The following MYO1D variants were observed in gnomAD, a reference collection of about 807,000 sequenced individuals.
MYO1D encodes unconventional myosin-Id.
Under a neutral mutation model 122.0 loss-of-function variants are expected in MYO1D, and 83 were observed. The ratio of observed to expected loss-of-function variants is 0.68; its 90% confidence interval spans 0.57 to 0.82. The LOEUF is 0.82. MYO1D is among the 40% of genes least tolerant of loss of function. MYO1D has a pLI of 0.00. For synonymous variants in MYO1D, 464 were observed against 446.9 expected (o/e 1.04, Z -0.48); for missense variants, 1,157 against 1,269.5 (o/e 0.91, Z 1.35).
At chr17:32,651,038 T>C (rs1410097501) in intron 19 of MYO1D, among the ~76,000 whole-genome samples, 1 of 152,220 alleles carries the variant, frequency 6.6e-6, no homozygotes, top group African/African-American at 2.4e-5. Flanking sequence ...TCTGGTTAGG[T>C]TACTTGGGAA....
chr17:32,531,913 C>T (rs958729088), intron 21 of MYO1D, among the ~76,000 whole-genome samples: 2 of 152,170 alleles, frequency 1.3e-5, no homozygotes, highest in East Asian at 3.8e-4. Context: ...GCTTACAGAG[C>T]AGGAAAATTT....
At chr17:32,695,709 A>T (rs1158681048) in intron 16 of MYO1D, among the ~76,000 whole-genome samples, 1 of 152,234 alleles carries the variant, frequency 6.6e-6, no homozygotes, top group Non-Finnish European at 1.5e-5. Flanking sequence ...AAAATTAAAA[A>T]ATCTGCCAAT....
At chr17:32,857,735 AT>A (rs2091039166) in intron 1 of MYO1D, among the ~76,000 whole-genome samples, 1 of 152,140 alleles carries the variant, frequency 6.6e-6, no homozygotes, top group Non-Finnish European at 1.5e-5. Flanking sequence ...TCTTATTCAC[AT>A]TCCAGCATTC....
chr17:32,581,804 C>T (rs1032618661), intron 21 of MYO1D, among the ~76,000 whole-genome samples: 2 of 152,012 alleles, frequency 1.3e-5, no homozygotes, highest in Non-Finnish European at 2.9e-5. Flanking sequence ...CTTGCTCTGT[C>T]ACCCAGGCTG....
At chr17:32,648,923 T>C (rs990793459) in intron 19 of MYO1D, among the ~76,000 whole-genome samples, 1 of 152,224 alleles carries the variant, frequency 6.6e-6, no homozygotes, top group African/African-American at 2.4e-5. Flanking sequence ...CTCTCCTTTG[T>C]TGGCTTATTA....
chr17:32,633,316 A>G (rs1031818655), intron 20 of MYO1D, among the ~76,000 whole-genome samples: 1 of 152,146 alleles, frequency 6.6e-6, no homozygotes, highest in South Asian at 2.1e-4. Context: ...CTGATCTTGG[A>G]AGAAATGAGA....
intron 6 of MYO1D, among the ~76,000 whole-genome samples, chr17:32,768,317 T>C (rs2090080717): frequency 6.6e-6 from 1 of 152,244 alleles, no homozygotes; most frequent in African/African-American, 2.4e-5. Context: ...TTCACTCACT[T>C]GATACGCATT....
chr17:32,603,034 T>C (rs1457291904), intron 21 of MYO1D, among the ~76,000 whole-genome samples: 1 of 151,718 alleles, frequency 6.6e-6, no homozygotes, highest in Non-Finnish European at 1.5e-5. Flanking sequence ...TCATTTCCAC[T>C]TCACTCTTAA....
At chr17:32,650,404 T>C (rs2150947925) in intron 19 of MYO1D, among the ~76,000 whole-genome samples, 1 of 152,348 alleles carries the variant, frequency 6.6e-6, no homozygotes, top group African/African-American at 2.4e-5. Flanking sequence ...GCTTAGTGTT[T>C]GTTGAGCTTC....
intron 1 of MYO1D, among the ~76,000 whole-genome samples, chr17:32,873,166 C>T (rs2091197914): frequency 6.6e-6 from 1 of 152,036 alleles, no homozygotes; most frequent in African/African-American, 2.4e-5. Flanking sequence ...AAAAAAGTAA[C>T]AAGCATTTTT....
chr17:32,643,451 G>C (rs2088234896), intron 19 of MYO1D, among the ~76,000 whole-genome samples: 1 of 152,164 alleles, frequency 6.6e-6, no homozygotes, highest in Non-Finnish European at 1.5e-5. Flanking sequence ...ATAAGTTAGG[G>C]AGGATTCCCT....
chr17:32,824,121 CAG>C (rs954654921), intron 1 of MYO1D, among the ~76,000 whole-genome samples: 1 of 136,642 alleles, frequency 7.3e-6, no homozygotes, highest in African/African-American at 2.8e-5. Context: ...TAAAGTAAAA[CAG>C]AACTGAGACC....
rs143664411 is a variant in MYO1D, at chr17:32,517,546, G to A, written c.2865-22631C>T. ...TAGCAGTGGTCAGGCTCCAACCCCA[G>A]AGACTCTGCTTCAATTGGTCTGCCT... is the stretch of plus-strand genomic sequence containing the variant. On this transcript the variant is annotated intron_variant, in intron 21 of 21. Transcript: ENST00000318217. 1.6e-4 allele frequency among the ~76,000 whole-genome samples: 25 copies of A among 152,280 alleles called. No individual in the cohort carries two copies. In the South Asian group the frequency reaches 5.2e-3, roughly 32 times the overall value.
chr17:32,682,381 G>A (rs543844525), intron 16 of MYO1D, among the ~76,000 whole-genome samples: 26 of 147,128 alleles, frequency 1.8e-4, no homozygotes, highest in East Asian at 1.5e-3. Flanking sequence ...ATTTTGCAGC[G>A]GCTGGTACCG....
intron 21 of MYO1D, among the ~76,000 whole-genome samples, chr17:32,590,180 T>G (rs2087426328): frequency 6.6e-6 from 1 of 152,252 alleles, no homozygotes; most frequent in African/African-American, 2.4e-5. Context: ...CTACTTATTT[T>G]TCCAGTCTCA....
At chr17:32,777,890 C>T (rs1183193252) in intron 3 of MYO1D, among the ~76,000 whole-genome samples, 1 of 151,938 alleles carries the variant, frequency 6.6e-6, no homozygotes, top group African/African-American at 2.4e-5. Context: ...GCTGAGATCG[C>T]GCCACTGCAC....
At chr17:32,600,110 T>C (rs1249769876) in intron 21 of MYO1D, among the ~76,000 whole-genome samples, 1 of 152,244 alleles carries the variant, frequency 6.6e-6, no homozygotes, top group Admixed American at 6.5e-5. Context: ...GTACTGTCAA[T>C]GCATAGTAAT....
At chr17:32,728,229 A>G (rs1357705957) in intron 14 of MYO1D, among the ~76,000 whole-genome samples, 1 of 150,270 alleles carries the variant, frequency 6.7e-6, no homozygotes. Flanking sequence ...TTTTTTTGAG[A>G]CAGTCTCACA....
In MYO1D at chr17:32,748,935, C is replaced by A; in HGVS notation, c.1538+1G>T. 6.2e-7 allele frequency: 1 copy of A among 1,612,202 alleles called. No individual in the cohort carries two copies. Among genetic ancestry groups the A allele is most frequent in the Non-Finnish European group, 8.5e-7 (1 of 1,178,270 alleles). ...GGTAGGTACCAAGGTAAGATACTCA[C>A]ACTACATCGCCTGCATAATGTCGAA... is the stretch of plus-strand genomic sequence containing the variant. On this transcript the variant is annotated splice_donor_variant, in intron 12 of 21. Coordinates refer to ENST00000318217, the MANE Select transcript of MYO1D (RefSeq NM_015194.3). LOFTEE classifies it high-confidence loss of function.
Sources: gnomAD v4.1 joint callset for allele counts (sites outside exome capture counted in the v4.1 genomes callset) on GRCh38, gnomAD v4.1.1 for gene constraint, MANE v1.5 for transcripts, NCBI Gene and HGNC (gene_info 2026-07-23, HGNC 2026-07-21) for gene names.